Variants in PADI2 observed in about 807,000 individuals in gnomAD.
PADI2 encodes protein-arginine deiminase type-2.
Under a neutral mutation model 81.1 loss-of-function variants are expected in PADI2, and 70 were observed. The observed-to-expected ratio is 0.86, with a 90% CI of 0.71 to 1.05. The LOEUF (loss-of-function observed/expected upper bound fraction) is 1.05. Ranked by LOEUF, PADI2 falls within the 50% of genes least tolerant of loss-of-function variation. PADI2 has a pLI of 0.00. For synonymous variants in PADI2, 338 were observed against 358.0 expected, an observed-to-expected ratio of 0.94 and a Z score of 0.63; for missense variants, 853 against 889.9, an observed-to-expected ratio of 0.96 and a Z score of 0.53.
chr1:17,084,661 G>T lies in PADI2; in HGVS notation c.876C>A (p.Phe292Leu). The part of the protein sequence containing the change: ...LTPIFTDTVI[F>L]RIAPWIMTPN... ...GGGTCATGATCCACGGAGCAATCCG[G>T]AATATCACGGTGTCCGTGAAGATGG... The change falls in exon 8 of 16, where the codon TTC (phenylalanine) becomes TTA (leucine). Residue 292 changes from phenylalanine to leucine, a missense_variant. Coordinates refer to ENST00000375486, the MANE Select transcript of PADI2 (RefSeq NM_007365.3). The T allele has an allele frequency of 6.4e-7, 1 of 1,571,228 alleles. No individual in the cohort carries two copies.
At chr1:17,109,201 A>G (rs1931486164) in intron 1 of PADI2, among the ~76,000 whole-genome samples, 1 of 152,058 alleles carries the variant, frequency 6.6e-6, no homozygotes, top group African/African-American at 2.4e-5. Context: ...CCTGGCCAAC[A>G]TGGCAAAACC....
chr1:17,116,621 T>C (rs1931769959), intron 1 of PADI2, among the ~76,000 whole-genome samples: 1 of 151,982 alleles, frequency 6.6e-6, no homozygotes, highest in African/African-American at 2.4e-5. Context: ...GGTTTTAGGG[T>C]CACATAGGAC....
chr1:17,077,352 G>A (rs1326325209), intron 11 of PADI2, among the ~76,000 whole-genome samples: 2 of 152,142 alleles, frequency 1.3e-5, no homozygotes, highest in East Asian at 3.8e-4. Context: ...GACTTCATCT[G>A]TTCTGGTCAC....
At chr1:17,072,815 T>C (rs1385970057) in intron 13 of PADI2, among the ~76,000 whole-genome samples, 1 of 152,174 alleles carries the variant, frequency 6.6e-6, no homozygotes, top group Non-Finnish European at 1.5e-5. Context: ...TTGCCCCTAT[T>C]TGTACAAAAA....
At position 17,067,375 on chromosome 1, in the gene PADI2, T is replaced by G. The variant is rs1268507403; in HGVS notation, c.*1669A>C. ...TTTGGCCTCCAAAGGCAGGAGCTGC[T>G]GTCCCCAGAGAGGAGACAACAGCTT... On this transcript the variant is annotated 3_prime_UTR_variant, in exon 16 of 16. Transcript: ENST00000375486. 6.6e-6 allele frequency: 1 copy of G among 152,154 alleles called. No homozygotes were observed. The highest frequency in any genetic ancestry group is 2.1e-4 in the South Asian group (1 of 4,822). 9.4% of individuals were successfully genotyped at this position (152,154 alleles called of 1,614,324 possible).
rs1930658712 is a variant in PADI2 at position 17,090,686 on chromosome 1, G to A, written c.655+1722C>T. 2.0e-5 allele frequency among the ~76,000 whole-genome samples: 3 copies of A among 151,008 alleles called. No individual in the cohort carries two copies. In the Admixed American group the frequency reaches 2.0e-4, roughly 10 times the overall value. On this transcript the variant is annotated intron_variant, in intron 6 of 15. Coordinates refer to ENST00000375486, the MANE Select transcript of PADI2 (RefSeq NM_007365.3). ...AAACTGTCTCTTCTGGGTCCCCACT[G>A]TCTCAGTCGTGGCTGCTCCCCACAG...
At chr1:17,077,064 T>C (rs2078309351) in intron 11 of PADI2, among the ~76,000 whole-genome samples, 1 of 152,146 alleles carries the variant, frequency 6.6e-6, no homozygotes, top group Non-Finnish European at 1.5e-5. Flanking sequence ...TGCTATCCCT[T>C]GGGGCTTTTC....
Position 17,084,057 on chromosome 1 carries a change from GA to G in PADI2, c.939-221del, listed in dbSNP as rs1381934419. 2.0e-5 allele frequency among the ~76,000 whole-genome samples: 3 copies of G among 152,296 alleles called. No individual in the cohort carries two copies. The East Asian group carries it at 5.8e-4, about 29-fold the overall frequency. Reference sequence around the variant, plus strand: ...TGTCAAGGTCATGAACAAATAAAATGAGGGGGGGAACTCTCACCCCCACCTG... The same window carrying G: ...TGTCAAGGTCATGAACAAATAAAATGGGGGGGGAACTCTCACCCCCACCTG... On this transcript the variant is annotated intron_variant, in intron 8 of 15. Transcript: ENST00000375486.
chr1:17,105,930 C>A (rs1048167082), intron 1 of PADI2, among the ~76,000 whole-genome samples: 1 of 152,100 alleles, frequency 6.6e-6, no homozygotes, highest in African/African-American at 2.4e-5. Context: ...GATGGGAGGC[C>A]AGTTTTGGGA....
At chr1:17,094,976 C>A (rs758598505) in intron 4 of PADI2, among the ~76,000 whole-genome samples, 5 of 152,200 alleles carry the variant, frequency 3.3e-5, no homozygotes, top group Non-Finnish European at 5.9e-5. Context: ...GGCTGAGAAC[C>A]CTCTCCTGAC....
chr1:17,077,075 C>T (rs1411819042), intron 11 of PADI2, among the ~76,000 whole-genome samples: 2 of 152,110 alleles, frequency 1.3e-5, no homozygotes, highest in African/African-American at 4.8e-5. Flanking sequence ...GGGGCTTTTC[C>T]CTTTGCTGTT....
intron 7 of PADI2, 36 bp from the exon 8 acceptor site, chr1:17,084,738 G>A (rs369218285): frequency 9.1e-6 from 12 of 1,319,836 alleles, no homozygotes; most frequent in Admixed American, 4.2e-5. Flanking sequence ...GGATCAAAAG[G>A]TTTTGTCAGG....
chr1:17,110,723 C>T (rs1241107325), intron 1 of PADI2, among the ~76,000 whole-genome samples: 1 of 152,182 alleles, frequency 6.6e-6, no homozygotes, highest in Admixed American at 6.5e-5. Context: ...TTCCTTTTAC[C>T]AGCAAGACTT....
At chr1:17,107,432 A>G (rs992548010) in intron 1 of PADI2, among the ~76,000 whole-genome samples, 4 of 152,192 alleles carry the variant, frequency 2.6e-5, no homozygotes, top group Non-Finnish European at 5.9e-5. Context: ...GCGGCTGTCA[A>G]AGTGCAGCAG....
At chr1:17,076,799 G>A (rs919270761) in intron 11 of PADI2, among the ~76,000 whole-genome samples, 4 of 151,808 alleles carry the variant, frequency 2.6e-5, no homozygotes, top group Non-Finnish European at 4.4e-5. Flanking sequence ...GGATGGTCTC[G>A]ATCTCTTGAC....
At chr1:17,071,034 C>A (rs999204428) in intron 14 of PADI2, among the ~76,000 whole-genome samples, 2 of 152,112 alleles carry the variant, frequency 1.3e-5, no homozygotes, top group African/African-American at 4.8e-5. Flanking sequence ...AAGCCCCTGG[C>A]CTGAAGCAAT....
chr1:17,087,480 G>GTTTA (rs1169376686), intron 6 of PADI2, among the ~76,000 whole-genome samples: 3 of 128,646 alleles, frequency 2.3e-5, no homozygotes, highest in African/African-American at 8.9e-5. Context: ...GTCTTTTTAT[G>GTTTA]TTTGTTTGTT....
intron 4 of PADI2, 147 bp downstream of exon 4, chr1:17,095,762 G>T (rs2101596735): frequency 3.3e-6 from 2 of 603,050 alleles, no homozygotes; most frequent in East Asian, 2.9e-5. Context: ...CTCCTCTGTG[G>T]GTTCCATCAT....
At position 17,067,447 on chromosome 1, in the gene PADI2, G is replaced by A. The variant is rs2078230833; in HGVS notation, c.*1597C>T. 6.6e-6 allele frequency: 1 copy of A among 152,174 alleles called. No individual in the cohort carries two copies. The highest frequency in any genetic ancestry group is 1.5e-5 in the Non-Finnish European group (1 of 68,056). 9.4% of individuals were successfully genotyped at this position (152,174 alleles called of 1,614,324 possible). On this transcript the variant is annotated 3_prime_UTR_variant, in exon 16 of 16. Coordinates refer to ENST00000375486, the MANE Select transcript of PADI2 (RefSeq NM_007365.3). ...TGGATGGGTACTGGCTAGGTAGATG[G>A]GAAGGGGGCCTGTTTAAAGAAGACC...
Sources: gnomAD v4.1 joint callset for allele counts (sites outside exome capture counted in the v4.1 genomes callset) on GRCh38, gnomAD v4.1.1 for gene constraint, MANE v1.5 for transcripts, NCBI Gene and HGNC (gene_info 2026-07-23, HGNC 2026-07-21) for gene names.